The following NUDT12 variants were observed in gnomAD, a reference collection of about 807,000 sequenced individuals.
The protein encoded by NUDT12 is nudix hydrolase 12.
A neutral mutation model predicts 45.7 loss-of-function variants in NUDT12; 42 were observed. That is an observed-to-expected ratio of 0.92 (90% CI 0.72 to 1.19). The LOEUF is 1.19. Ranked by LOEUF, NUDT12 falls within the 50% of genes most tolerant of loss-of-function variation. NUDT12 has a pLI of 0.00. For synonymous variants in NUDT12, 206 were observed against 179.7 expected (o/e 1.15, Z -1.17); for missense variants, 590 against 533.1 (o/e 1.11, Z -1.05).
Position 103,550,704 on chromosome 5 carries a change from T to C in NUDT12, c.*157A>G. 1 of 477,088 alleles carries C rather than the reference T, an allele frequency of 2.1e-6. No individual in the cohort carries two copies. Among genetic ancestry groups the C allele is most frequent in the Non-Finnish European group, 3.7e-6 (1 of 271,070 alleles). The allele number at this position is 477,088 out of a possible 1,614,324, so 29.6% of individuals were successfully genotyped here. A position where few individuals can be genotyped will look rare whatever the true frequency, so the allele number is the denominator to read the frequency against. ...TGTAAAAATGTGTAAAAATATGAATTTGTGATTAAGACAGAACACTTTGAA... is the reference window on the plus strand; with the variant it reads ...TGTAAAAATGTGTAAAAATATGAATCTGTGATTAAGACAGAACACTTTGAA... On this transcript the variant is annotated 3_prime_UTR_variant, in exon 7 of 7. Coordinates refer to ENST00000230792, the MANE Select transcript of NUDT12 (RefSeq NM_031438.4).
At chr5:103,554,066 G>A (rs1748736389) in intron 5 of NUDT12, among the ~76,000 whole-genome samples, 1 of 151,882 alleles carries the variant, frequency 6.6e-6, no homozygotes, top group Non-Finnish European at 1.5e-5. Flanking sequence ...GATACTATAT[G>A]TTTACTGTTA....
At position 103,556,906 on chromosome 5, in the gene NUDT12, AAAAT is replaced by A. The variant is rs573962580; in HGVS notation, c.797-812_797-809del. Among the ~76,000 whole-genome samples the A allele has an allele frequency of 1.3e-4, 20 of 152,212 alleles. No individual in the cohort carries two copies. The East Asian group carries it at 3.5e-3, about 26-fold the overall frequency. On this transcript the variant is annotated intron_variant, in intron 3 of 6. Transcript: ENST00000230792. Reference sequence around the variant, plus strand: ...AATTCTAACATCGTTTAAACTGGGAAAAATAAATAAAACAGTTGTAATGAATAGA... The same window carrying A: ...AATTCTAACATCGTTTAAACTGGGAAAAATAAAACAGTTGTAATGAATAGA...
At chr5:103,560,826 A>G (rs1442147778) in intron 1 of NUDT12, among the ~76,000 whole-genome samples, 1 of 152,176 alleles carries the variant, frequency 6.6e-6, no homozygotes, top group Non-Finnish European at 1.5e-5. Context: ...TACTACACTG[A>G]GACAAATATT....
chr5:103,553,696 A>G (rs1199972303), intron 5 of NUDT12, among the ~76,000 whole-genome samples: 1 of 152,110 alleles, frequency 6.6e-6, no homozygotes, highest in Non-Finnish European at 1.5e-5. Flanking sequence ...GCTGTTTGTA[A>G]TAAGAACTTT....
Position 103,560,229 on chromosome 5 carries a change from C to G in NUDT12, c.20G>C (p.Ser7Thr), listed in dbSNP as rs149697213. ...CTGAGTAACTATTTCTTGCTTCAGA[C>G]TTCTTTTTACAGAAGACATTTCTTC... MSSVKR[S>T]LKQEIVTQFH... The change falls in exon 2 of 7, where the codon AGT (serine) becomes ACT (threonine). Residue 7 changes from serine to threonine, a missense_variant. By Grantham distance (58) the Ser-to-Thr change is moderately conservative. Transcript: ENST00000230792. The G allele has an allele frequency of 8.9e-5, 144 of 1,613,284 alleles. No homozygotes were observed. The highest frequency in any genetic ancestry group is 5.3e-4 in the African/African-American group (40 of 75,022).
chr5:103,549,478 T>G lies in NUDT12; in HGVS notation c.*1383A>C, dbSNP rs1003842953. 9 of 152,004 alleles carry G rather than the reference T, an allele frequency of 5.9e-5. No homozygotes were observed. The highest frequency in any genetic ancestry group is 2.2e-4 in the African/African-American group (9 of 41,460). 9.4% of individuals were successfully genotyped at this position (152,004 alleles called of 1,614,324 possible). ...TTATTCTTATCATTCCTTCTTTTAA[T>G]TTTGTCTATATATATTTTTAGTAAT... On this transcript the variant is annotated 3_prime_UTR_variant, in exon 7 of 7. Transcript: ENST00000230792.
At chr5:103,552,472 T>C (rs1748686141) in intron 5 of NUDT12, 56 bp from the exon 6 acceptor site, 1 of 1,323,176 alleles carries the variant, frequency 7.6e-7, no homozygotes, top group Non-Finnish European at 1.1e-6. Context: ...GGACACTTTG[T>C]GTCCTGAATG....
chr5:103,559,944 A>G (rs2112457673), intron 2 of NUDT12, 99 bp downstream of exon 2: 1 of 775,292 alleles, frequency 1.3e-6, no homozygotes. Context: ...TTAGTAGTTC[A>G]ACAATATAAA....
chr5:103,557,392 G>A (rs1240083285), intron 3 of NUDT12, among the ~76,000 whole-genome samples: 8 of 150,260 alleles, frequency 5.3e-5, no homozygotes, highest in Admixed American at 5.3e-4. Flanking sequence ...ACTTTGAGGA[G>A]GAGATATTTA....
At chr5:103,555,605 C>G (rs1748787985) in intron 4 of NUDT12, among the ~76,000 whole-genome samples, 1 of 151,966 alleles carries the variant, frequency 6.6e-6, no homozygotes, top group Non-Finnish European at 1.5e-5. Flanking sequence ...CCAGGCTGTA[C>G]TGCTTTAGTA....
Position 103,552,276 on chromosome 5 carries a change from T to C in NUDT12, c.1219A>G (p.Thr407Ala). 6.2e-7 allele frequency: 1 copy of C among 1,613,916 alleles called. No homozygotes were observed. The highest frequency in any genetic ancestry group is 8.5e-7 in the Non-Finnish European group (1 of 1,179,858). The change falls in exon 6 of 7, where the codon ACA (threonine) becomes GCA (alanine). Residue 407 changes from threonine to alanine, a missense_variant. Transcript: ENST00000230792. ...MIGCLALAVS[T>A]EIKVDKNEIE... Reference sequence around the variant, plus strand: ...TCATTCTTGTCAACTTTAATTTCTGTAGACACTGCTAGAGCTAAGCAACCA... The same window carrying C: ...TCATTCTTGTCAACTTTAATTTCTGCAGACACTGCTAGAGCTAAGCAACCA...
chr5:103,561,225 A>AT (rs1421600363), intron 1 of NUDT12, among the ~76,000 whole-genome samples: 1 of 152,060 alleles, frequency 6.6e-6, no homozygotes. Context: ...AAGCAATAAG[A>AT]TTTTTAAGCT....
chr5:103,549,323 C>A lies in NUDT12; in HGVS notation c.*1538G>T, dbSNP rs192850221. On this transcript the variant is annotated 3_prime_UTR_variant, in exon 7 of 7. Coordinates refer to ENST00000230792, the MANE Select transcript of NUDT12 (RefSeq NM_031438.4). Reference sequence around the variant, plus strand: ...GGTTTAAATTCTTGATACCAATAAGCCTTCATCAATTCCTAAGAAAATCAC... The same window carrying A: ...GGTTTAAATTCTTGATACCAATAAGACTTCATCAATTCCTAAGAAAATCAC... 9 of 151,882 alleles carry A rather than the reference C, an allele frequency of 5.9e-5. No homozygotes were observed. The highest frequency in any genetic ancestry group is 1.0e-4 in the Non-Finnish European group (7 of 67,840). The allele number at this position is 151,882 out of a possible 1,614,324, so 9.4% of individuals were successfully genotyped here.
rs1388838456 is a variant in NUDT12, at chr5:103,552,324, G to T, written c.1171C>A (p.Pro391Thr). The T allele has an allele frequency of 6.2e-7, 1 of 1,613,788 alleles. No homozygotes were observed. Among genetic ancestry groups the T allele is most frequent in the Non-Finnish European group, 8.5e-7 (1 of 1,179,796 alleles). ...HVQYVACQPW[P>T]MPSSLMIGCL... ...CCAATCATTAAGGAGGAAGGCATTG[G>T]CCATGGTTGACAAGCAACATACTGA... Residue 391 changes from proline (P) to threonine (T), a missense_variant, in exon 6 of 7, where the codon CCA becomes ACA. Pro to Thr is a conservative substitution (Grantham distance 38). Transcript: ENST00000230792.
At chr5:103,560,705 C>A (rs1749006631) in intron 1 of NUDT12, among the ~76,000 whole-genome samples, 5 of 152,150 alleles carry the variant, frequency 3.3e-5, no homozygotes, top group Admixed American at 3.3e-4. Flanking sequence ...ATTCTGTAAT[C>A]CATCTAGGAT....
chr5:103,560,792 T>C (rs1749010209), intron 1 of NUDT12, among the ~76,000 whole-genome samples: 2 of 152,218 alleles, frequency 1.3e-5, no homozygotes, highest in South Asian at 4.1e-4. Context: ...CTCCGTATTA[T>C]TCTTGAAATT....
intron 1 of NUDT12, among the ~76,000 whole-genome samples, chr5:103,560,516 T>A (rs945148998): frequency 6.6e-6 from 1 of 151,846 alleles, no homozygotes; most frequent in Non-Finnish European, 1.5e-5. Context: ...GGGGGCCATA[T>A]CCTTGGGAGG....
At chr5:103,556,136 TAAG>T in intron 3 of NUDT12, 38 bp from the exon 4 acceptor site, 1 of 1,455,892 alleles carries the variant, frequency 6.9e-7, no homozygotes. Flanking sequence ...TTTAATTCTG[TAAG>T]AAATTAAAAT....
At chr5:103,559,960 A>T in intron 2 of NUDT12, 83 bp downstream of exon 2, 3 of 978,768 alleles carry the variant, frequency 3.1e-6, no homozygotes, top group Non-Finnish European at 4.8e-6. Context: ...ATAAATATGG[A>T]AACAAGCAAA....
Sources: gnomAD v4.1 joint callset for allele counts (sites outside exome capture counted in the v4.1 genomes callset) on GRCh38, gnomAD v4.1.1 for gene constraint, MANE v1.5 for transcripts, NCBI Gene and HGNC (gene_info 2026-07-23, HGNC 2026-07-21) for gene names.